MED13L: variants seen among roughly 807,000 people sequenced by gnomAD.
MED13L encodes the protein mediator complex subunit 13L.
Under a neutral mutation model 220.9 loss-of-function variants are expected in MED13L, and 7 were observed. The ratio of observed to expected loss-of-function variants is 0.03; its 90% confidence interval spans 0.02 to 0.06. MED13L has a LOEUF of 0.06. MED13L is among the 10% of genes least tolerant of loss of function. The pLI, the probability that MED13L is intolerant of heterozygous loss-of-function variation, is 1.00. For synonymous variants in MED13L, 1,011 were observed against 1,015.2 expected, an observed-to-expected ratio of 1.00 and a Z score of 0.08; for missense variants, 1,965 against 2,760.5, an observed-to-expected ratio of 0.71 and a Z score of 6.46.
intron 2 of MED13L, among the ~76,000 whole-genome samples, chr12:116,112,995 A>G (rs993749250): frequency 1.3e-5 from 2 of 152,214 alleles, no homozygotes; most frequent in African/African-American, 4.8e-5. Context: ...CATTCCTATC[A>G]CTTACAATTT....
At position 115,982,425 on chromosome 12, in the gene MED13L, C is replaced by T. The variant is rs1565992052; in HGVS notation, c.5134G>A (p.Asp1712Asn). The change falls in exon 22 of 31, where the codon GAT becomes AAT. Residue 1712 changes from aspartate to asparagine, a missense_variant. By Grantham distance (23) the Asp-to-Asn change is conservative. This residue lies in a region of MED13L where 510 missense variants were observed against 620.4 expected (regional missense o/e 0.82). Transcript: ENST00000281928. Reference protein sequence around the residue: ...SLMRCYTEMLDNLPEHMRNSF... With the variant: ...SLMRCYTEMLNNLPEHMRNSF... ...TTTCTCATATGCTCAGGTAAATTAT[C>T]CAGCATTTCTGTGTAGCAGCGCATC... 1 of 1,614,124 alleles carries T rather than the reference C, an allele frequency of 6.2e-7. No individual in the cohort carries two copies. Among genetic ancestry groups the T allele is most frequent in the African/African-American group, 1.3e-5 (1 of 75,016 alleles).
At chr12:116,248,728 T>G (rs1307237755) in intron 1 of MED13L, among the ~76,000 whole-genome samples, 2 of 152,250 alleles carry the variant, frequency 1.3e-5, no homozygotes, top group Non-Finnish European at 2.9e-5. Flanking sequence ...TGGGGCCACA[T>G]GGCCCAGAGC....
intron 2 of MED13L, among the ~76,000 whole-genome samples, chr12:116,136,245 A>T (rs1387048603): frequency 3.3e-5 from 5 of 152,174 alleles, no homozygotes; most frequent in African/African-American, 1.2e-4. Flanking sequence ...ATGTTTAATG[A>T]GGAAACTGAA....
In MED13L at chr12:115,972,239, GA is replaced by G. The variant is rs1429925824; in HGVS notation, c.5732-4del. ...TTCTCCAAGGAGGATACTCCAATCT[GA>G]AATCAAATATCGCAGTCATACACAG... On this transcript the variant is annotated splice_polypyrimidine_tract_variant and splice_region_variant and intron_variant, in intron 25 of 30. Coordinates refer to ENST00000281928, the MANE Select transcript of MED13L (RefSeq NM_015335.5). 6.2e-7 allele frequency: 1 copy of G among 1,612,870 alleles called. No homozygotes were observed. Among genetic ancestry groups the G allele is most frequent in the African/African-American group, 1.3e-5 (1 of 74,904 alleles).
At chr12:116,001,607 C>T (rs1476024368) in intron 14 of MED13L, among the ~76,000 whole-genome samples, 1 of 152,208 alleles carries the variant, frequency 6.6e-6, no homozygotes, top group Non-Finnish European at 1.5e-5. Flanking sequence ...GTTCCCCTCA[C>T]TCCCCCACCC....
chr12:115,991,611 G>C lies in MED13L; in HGVS notation c.3343C>G (p.Leu1115Val), dbSNP rs1473984872. The part of the protein sequence containing the change: ...EAHSLYVTLI[L>V]SDSVMNIFKD... ...AAGATATTCATCACGGAATCGGAGA[G>C]AATCAGGGTAACATAGAGGCTGTGG... Residue 1115 changes from leucine (L) to valine (V), a missense_variant, in exon 17 of 31, where the codon CTC (leucine) becomes GTC (valine). Physicochemically the swap from Leu to Val is conservative, Grantham distance 32 (BLOSUM62 1). Coordinates refer to ENST00000281928, the MANE Select transcript of MED13L (RefSeq NM_015335.5). This position sits in a 1 kb window ranked among gnomAD's most constrained non-coding sequence, Gnocchi z 7.7. The C allele has an allele frequency of 1.2e-6, 2 of 1,614,136 alleles. No individual in the cohort carries two copies.
chr12:116,102,563 CA>C (rs200301430), intron 3 of MED13L, among the ~76,000 whole-genome samples: 2,957 of 152,058 alleles, frequency 0.019, 54 homozygotes, highest in Middle Eastern at 0.051. Context: ...CATTCCAATC[CA>C]AATCAAATAT....
At position 116,168,331 on chromosome 12, in the gene MED13L, C is replaced by CA. The variant is rs79130692; in HGVS notation, c.311-56820dup. Among the ~76,000 whole-genome samples the CA allele has an allele frequency of 4.8e-3, 576 of 120,300 alleles. 2 individuals are homozygous for CA. Among genetic ancestry groups the CA allele is most frequent in the South Asian group, 0.011 (42 of 3,746 alleles). 78.9% of individuals were successfully genotyped at this position (120,300 alleles called of 152,430 possible). ...TTGTGCTTAATAAACATTTTTCTGG[C>CA]AAAAAAAAAAAAAAGGTACAAGAGG... On this transcript the variant is annotated intron_variant, in intron 2 of 30. Coordinates refer to ENST00000281928, the MANE Select transcript of MED13L (RefSeq NM_015335.5).
At chr12:116,173,600 T>TA (rs1879840297) in intron 2 of MED13L, among the ~76,000 whole-genome samples, 1 of 152,190 alleles carries the variant, frequency 6.6e-6, no homozygotes, top group African/African-American at 2.4e-5. Context: ...GCAACAGTGG[T>TA]AAAAGCATTT....
At chr12:116,003,247 G>A in intron 13 of MED13L, 145 bp from the exon 14 acceptor site, 1 of 707,620 alleles carries the variant, frequency 1.4e-6, no homozygotes. Flanking sequence ...AACAGATAGT[G>A]AAACAAAGGA....
chr12:116,140,748 G>A (rs964982551), intron 2 of MED13L, among the ~76,000 whole-genome samples: 4 of 152,108 alleles, frequency 2.6e-5, no homozygotes, highest in South Asian at 2.1e-4. Flanking sequence ...ATTCAGCATC[G>A]ACTTACAAAT....
At chr12:116,123,361 G>A (rs906306310) in intron 2 of MED13L, among the ~76,000 whole-genome samples, 38 of 152,094 alleles carry the variant, frequency 2.5e-4, no homozygotes, top group African/African-American at 9.2e-4. Flanking sequence ...ATTTTGAGAC[G>A]GAAAAGCAGA....
intron 2 of MED13L, among the ~76,000 whole-genome samples, chr12:116,135,501 A>G (rs1876460069): frequency 6.6e-6 from 1 of 152,178 alleles, no homozygotes; most frequent in Non-Finnish European, 1.5e-5. Flanking sequence ...TGCTGAAACA[A>G]ACCATATCTA....
At position 116,152,803 on chromosome 12, in the gene MED13L, T is replaced by G. The variant is rs2138098805; in HGVS notation, c.311-41291A>C. On this transcript the variant is annotated intron_variant, in intron 2 of 30. Transcript: ENST00000281928. ...TGGTTTATGAGACTTGCTTTAAAAC[T>G]TTCAAGAAAAAGTAGACAAAGTAAA... is the stretch of plus-strand genomic sequence containing the variant. 1.3e-5 allele frequency among the ~76,000 whole-genome samples: 2 copies of G among 152,278 alleles called. 1 individual carries two copies. The highest frequency in any genetic ancestry group is 4.1e-4 in the South Asian group (2 of 4,828).
intron 25 of MED13L, among the ~76,000 whole-genome samples, chr12:115,974,506 A>G (rs949110721): frequency 6.6e-6 from 1 of 152,234 alleles, no homozygotes; most frequent in Admixed American, 6.5e-5. Flanking sequence ...AGCTGGGCTC[A>G]GCACCAGGCA....
In MED13L at chr12:115,980,924, C is replaced by T; in HGVS notation, c.5190G>A (p.Gln1730=). The change falls in exon 23 of 31, where the codon CAG becomes CAA. Residue 1730 remains glutamine, a synonymous_variant. Coordinates refer to ENST00000281928, the MANE Select transcript of MED13L (RefSeq NM_015335.5). ...NSFILQIVPC[Q]YMLQTMKDEQ... is the part of the protein sequence containing the mutation. ...CATCCTTCATTGTCTGCAGCATGTA[C>T]TGGCAAGGCACAATCTAAAGACACA... 1 of 1,611,556 alleles carries T rather than the reference C, an allele frequency of 6.2e-7. No individual in the cohort carries two copies. Among genetic ancestry groups the T allele is most frequent in the Non-Finnish European group, 8.5e-7 (1 of 1,179,842 alleles).
chr12:116,229,440 T>G (rs1869331513), intron 2 of MED13L, among the ~76,000 whole-genome samples: 1 of 152,200 alleles, frequency 6.6e-6, no homozygotes, highest in Non-Finnish European at 1.5e-5. Flanking sequence ...ATTATAACTT[T>G]TTTTTACCAA....
intron 2 of MED13L, among the ~76,000 whole-genome samples, chr12:116,217,525 G>A (rs1044432769): frequency 6.6e-6 from 1 of 152,026 alleles, no homozygotes; most frequent in Non-Finnish European, 1.5e-5. Context: ...TCTTACAAAA[G>A]TCAAAAAAAT....
chr12:116,250,609 CAAAAA>C (rs560814737), intron 1 of MED13L, among the ~76,000 whole-genome samples: 1 of 70,272 alleles, frequency 1.4e-5, no homozygotes, highest in African/African-American at 6.1e-5. Flanking sequence ...ACTAAAAATA[CAAAAA>C]AAAAAAAAAA....
Sources: allele counts gnomAD v4.1 joint callset (sites outside exome capture counted in the v4.1 genomes callset), GRCh38; gene constraint gnomAD v4.1.1; regional missense constraint gnomAD v4.1.1; non-coding constraint Gnocchi (gnomAD v3.1); transcripts MANE v1.5; gene names NCBI Gene and HGNC (gene_info 2026-07-23, HGNC 2026-07-21).